VPS13D: variants seen among roughly 807,000 people sequenced by gnomAD.
VPS13D encodes vacuolar protein sorting 13 homolog D.
In VPS13D, 187 loss-of-function variants were observed where a neutral mutation model predicts 461.9. That is an observed-to-expected ratio of 0.40 (90% CI 0.36 to 0.46). The LOEUF is 0.46. VPS13D is among the 20% of genes least tolerant of loss of function. VPS13D has a pLI of 0.60. For missense variants in VPS13D, 4,711 were observed against 5,364.9 expected (o/e 0.88, Z 3.81); for synonymous variants, 1,951 against 1,986.3 (o/e 0.98, Z 0.47).
chr1:12,372,918 C>G (rs1047942225), intron 54 of VPS13D, among the ~76,000 whole-genome samples: 3 of 148,898 alleles, frequency 2.0e-5, no homozygotes, highest in African/African-American at 7.4e-5. Flanking sequence ...GCTTAGGATT[C>G]TTTAGCTTCA....
intron 3 of VPS13D, 74 bp from the exon 4 acceptor site, chr1:12,244,172 T>G: frequency 6.7e-7 from 1 of 1,486,012 alleles, no homozygotes; most frequent in South Asian, 1.4e-5. Context: ...TAAACAAAAT[T>G]GTAAAAATAC....
intron 65 of VPS13D, among the ~76,000 whole-genome samples, chr1:12,427,483 C>T (rs958086077): frequency 6.7e-5 from 10 of 149,908 alleles, no homozygotes; most frequent in African/African-American, 2.5e-4. Flanking sequence ...CAGATCAAAA[C>T]CGAAAAAAAA....
At chr1:12,503,925 G>C (rs1646069099) in intron 68 of VPS13D, among the ~76,000 whole-genome samples, 1 of 152,178 alleles carries the variant, frequency 6.6e-6, no homozygotes, top group African/African-American at 2.4e-5. Flanking sequence ...CTAGGCCAGG[G>C]AAGGGGAATT....
intron 65 of VPS13D, among the ~76,000 whole-genome samples, chr1:12,444,469 CCT>C (rs1491569823): frequency 6.6e-6 from 1 of 152,070 alleles, no homozygotes; most frequent in Non-Finnish European, 1.5e-5. Flanking sequence ...GTTTCTGCCC[CCT>C]TTTTTTTCTT....
At chr1:12,501,779 A>G (rs1443892984) in intron 68 of VPS13D, among the ~76,000 whole-genome samples, 1 of 152,264 alleles carries the variant, frequency 6.6e-6, no homozygotes, top group Non-Finnish European at 1.5e-5. Flanking sequence ...TGAGCAACGT[A>G]TTATGGAACC....
In VPS13D at chr1:12,283,486, A is replaced by G; in HGVS notation, c.5384A>G (p.Lys1795Arg). 1 of 1,614,230 alleles carries G rather than the reference A, an allele frequency of 6.2e-7. No homozygotes were observed. Among genetic ancestry groups the G allele is most frequent in the Non-Finnish European group, 8.5e-7 (1 of 1,180,024 alleles). ...ATCAACATATTCTTGGTAGATAAGA[A>G]ACATCCAGAATTCTCTTCCAGTTAC... ...VHINIFLVDKKHPEFSSSYNR... is the reference protein window; with the variant it reads ...VHINIFLVDKRHPEFSSSYNR... Residue 1795 changes from lysine (K) to arginine (R), a missense_variant, in exon 21 of 70, where the codon AAA becomes AGA. Transcript: ENST00000620676.
At chr1:12,445,403 G>C (rs933727341) in intron 65 of VPS13D, among the ~76,000 whole-genome samples, 10 of 152,224 alleles carry the variant, frequency 6.6e-5, no homozygotes, top group Non-Finnish European at 1.0e-4. Flanking sequence ...AGTGGATTCT[G>C]TTCTCTTCCA....
rs1019169439 is a variant in VPS13D, at chr1:12,502,539, GC to G, written c.12795-4312del. Among the ~76,000 whole-genome samples the G allele has an allele frequency of 2.6e-5, 4 of 152,018 alleles. No homozygotes were observed. Among genetic ancestry groups the G allele is most frequent in the East Asian group, 1.9e-4 (1 of 5,144 alleles). ...CATAGGTGGACCTGGGGTGGGTAAC[GC>G]CTAGGGGTAGAGGAGCCTGTTCCAG... is the stretch of plus-strand genomic sequence containing the variant. On this transcript the variant is annotated intron_variant, in intron 68 of 69. Transcript: ENST00000620676. This position sits in a 1 kb window ranked among gnomAD's most constrained non-coding sequence, Gnocchi z 4.3.
chr1:12,458,553 G>A (rs1219880987), intron 66 of VPS13D, among the ~76,000 whole-genome samples: 3 of 151,716 alleles, frequency 2.0e-5, no homozygotes, highest in Admixed American at 6.6e-5. Flanking sequence ...GGTGATAGAC[G>A]GACACCCTGT....
At chr1:12,271,250 A>G in intron 17 of VPS13D, 126 bp downstream of exon 17, 2 of 1,222,936 alleles carry the variant, frequency 1.6e-6, no homozygotes, top group Admixed American at 4.5e-5. Flanking sequence ...AACTGAAAAT[A>G]TTAAATCCTT....
chr1:12,246,769 G>C lies in VPS13D; in HGVS notation c.447+2152G>C, dbSNP rs570679814. ...GTGTTGTCCCCAGGGACATGGCCTC[G>C]GGCTGCCAGAAGCCATATTAAAGTT... is the stretch of plus-strand genomic sequence containing the variant. On this transcript the variant is annotated intron_variant, in intron 5 of 69. Coordinates refer to ENST00000620676, the MANE Select transcript of VPS13D (RefSeq NM_015378.4). Among the ~76,000 whole-genome samples, 7 of 152,232 alleles carry C rather than the reference G, an allele frequency of 4.6e-5. No individual in the cohort carries two copies. In the East Asian group the frequency reaches 7.7e-4, roughly 17 times the overall value.
chr1:12,472,669 G>T (rs2100454995), intron 67 of VPS13D, among the ~76,000 whole-genome samples: 1 of 152,266 alleles, frequency 6.6e-6, no homozygotes, highest in East Asian at 1.9e-4. Flanking sequence ...CTTTAGAGGG[G>T]TCTCTGGACT....
In VPS13D at chr1:12,379,496, C is replaced by T. The variant is rs1203284233; in HGVS notation, c.11090C>T (p.Pro3697Leu). Residue 3697 changes from proline to leucine, a missense_variant, in exon 57 of 70, where the codon CCA becomes CTA. Transcript: ENST00000620676. ...LAAVTDNRYE[P>L]LMLRKPDRRR... The stretch of plus-strand genomic sequence containing the variant: ...TGTATTCCGTTTTCCAGATACGAGC[C>T]ACTGATGCTGAGAAAGCCTGACCGC... 1.9e-6 allele frequency: 3 copies of T among 1,612,486 alleles called. No individual in the cohort carries two copies. The highest frequency in any genetic ancestry group is 2.5e-6 in the Non-Finnish European group (3 of 1,179,342).
chr1:12,460,154 TG>T (rs756166984), intron 66 of VPS13D, 46 bp from the exon 67 acceptor site: 81 of 1,478,266 alleles, frequency 5.5e-5, no homozygotes, highest in Non-Finnish European at 7.2e-5. Context: ...TAAATGCTTT[TG>T]CTTTTGTCCT....
chr1:12,319,113 T>C lies in VPS13D; in HGVS notation c.7415-384T>C, dbSNP rs143870292. 2.0e-5 allele frequency among the ~76,000 whole-genome samples: 3 copies of C among 152,326 alleles called. No homozygotes were observed. The East Asian group carries it at 5.8e-4, about 29-fold the overall frequency. On this transcript the variant is annotated intron_variant, in intron 31 of 69. Transcript: ENST00000620676. ...TAGATGCATAGTGCCTGACCAGCAT[T>C]AGTAGCTGAGTCTTCTCCCTGGAAT... is the stretch of plus-strand genomic sequence containing the variant.
rs145730649 is a variant in VPS13D at position 12,440,601 on chromosome 1, C to T, written c.12334-15397C>T. Among the ~76,000 whole-genome samples the T allele has an allele frequency of 6.1e-3, 932 of 152,286 alleles. 3 individuals are homozygous for T. The highest frequency in any genetic ancestry group is 0.027 in the Middle Eastern group (8 of 294). ...TTTAAAGTGAAGGAAGGAGGCCAGG[C>T]GCGGTGGCTCACACCTGTAATCCCA... On this transcript the variant is annotated intron_variant, in intron 65 of 69. Coordinates refer to ENST00000620676, the MANE Select transcript of VPS13D (RefSeq NM_015378.4).
At chr1:12,470,816 A>C (rs1053737628) in intron 67 of VPS13D, among the ~76,000 whole-genome samples, 16 of 152,186 alleles carry the variant, frequency 1.1e-4, no homozygotes, top group Admixed American at 2.6e-4. Flanking sequence ...GCATTTGTGC[A>C]TATGGTATGT....
rs771800385 is a variant in VPS13D at position 12,322,541 on chromosome 1, G to C, written c.7710G>C (p.Gln2570His). 2 of 1,614,112 alleles carry C rather than the reference G, an allele frequency of 1.2e-6. No homozygotes were observed. Among genetic ancestry groups the C allele is most frequent in the East Asian group, 2.2e-5 (1 of 44,884 alleles). ...CCTTTTTTACATTTTGTTAGATTCA[G>C]TTACAAGCCCTGGATATCAGACTCT... ...SEDFPPVLEI[Q>H]LQALDIRLSY... Residue 2570 changes from glutamine to histidine, a missense_variant, in exon 34 of 70, where the codon CAG (glutamine) becomes CAC (histidine). Gln to His is a conservative substitution (Grantham distance 24, BLOSUM62 0). Transcript: ENST00000620676.
chr1:12,369,544 T>A lies in VPS13D; in HGVS notation c.10650T>A (p.Asp3550Glu). 1 of 1,614,202 alleles carries A rather than the reference T, an allele frequency of 6.2e-7. No individual in the cohort carries two copies. Among genetic ancestry groups the A allele is most frequent in the South Asian group, 1.1e-5 (1 of 91,080 alleles). Reference protein sequence around the residue: ...RTEVKPMTSLDYAWDEPTLPP... With the variant: ...RTEVKPMTSLEYAWDEPTLPP... Reference sequence around the variant, plus strand: ...AAGTGAAGCCCATGACTTCATTGGATTATGCCTGGGACGAACCCACCTTGC... The same window carrying A: ...AAGTGAAGCCCATGACTTCATTGGAATATGCCTGGGACGAACCCACCTTGC... The change falls in exon 54 of 70, where the codon GAT (aspartate) becomes GAA (glutamate). Residue 3550 changes from aspartate to glutamate, a missense_variant. Asp to Glu is a conservative substitution (Grantham distance 45). Coordinates refer to ENST00000620676, the MANE Select transcript of VPS13D (RefSeq NM_015378.4).
Sources: gnomAD v4.1 joint callset for allele counts (sites outside exome capture counted in the v4.1 genomes callset) on GRCh38, gnomAD v4.1.1 for gene constraint, Gnocchi (gnomAD v3.1) non-coding constraint, MANE v1.5 for transcripts, NCBI Gene and HGNC (gene_info 2026-07-23, HGNC 2026-07-21) for gene names.